KCNQ4: variants seen among roughly 807,000 people sequenced by gnomAD.
KCNQ4 encodes potassium voltage-gated channel subfamily KQT member 4.
Under a neutral mutation model 72.6 loss-of-function variants are expected in KCNQ4, and 31 were observed. The ratio of observed to expected loss-of-function variants is 0.43; its 90% confidence interval spans 0.32 to 0.58. The LOEUF (loss-of-function observed/expected upper bound fraction) is 0.58. Among genes scored for constraint, KCNQ4 ranks in the 20% least tolerant of loss-of-function variants. KCNQ4 has a pLI of 0.08. For missense variants in KCNQ4, 869 were observed against 962.6 expected, an observed-to-expected ratio of 0.90 and a Z score of 1.29; for synonymous variants, 405 against 403.7, an observed-to-expected ratio of 1.00 and a Z score of -0.04.
At chr1:40,830,012 G>A (rs1214720934) in intron 9 of KCNQ4, among the ~76,000 whole-genome samples, 1 of 152,232 alleles carries the variant, frequency 6.6e-6, no homozygotes, top group East Asian at 1.9e-4. Context: ...GGGGAACGTG[G>A]TGGGGAGTTG....
intron 1 of KCNQ4, among the ~76,000 whole-genome samples, chr1:40,809,969 G>A (rs1373790883): frequency 6.6e-6 from 1 of 151,900 alleles, no homozygotes; most frequent in African/African-American, 2.4e-5. Flanking sequence ...GGAGGCTGAG[G>A]CACGAGAATC....
At chr1:40,802,522 A>AT (rs1386911901) in intron 1 of KCNQ4, among the ~76,000 whole-genome samples, 24 of 147,900 alleles carry the variant, frequency 1.6e-4, no homozygotes, top group African/African-American at 5.5e-4. Flanking sequence ...CCCGCCCACC[A>AT]TTCCCCGCCC....
At chr1:40,816,694 A>G (rs182191439) in intron 1 of KCNQ4, among the ~76,000 whole-genome samples, 2 of 152,280 alleles carry the variant, frequency 1.3e-5, no homozygotes, top group East Asian at 3.9e-4. Context: ...TCCCTGCTGC[A>G]TCATTCCTTC....
Sources: gnomAD v4.1 joint callset for allele counts (sites outside exome capture counted in the v4.1 genomes callset) on GRCh38, gnomAD v4.1.1 for gene constraint, MANE v1.5 for transcripts, NCBI Gene and HGNC (gene_info 2026-07-23, HGNC 2026-07-21) for gene names.